GFRA1: variants seen among roughly 807,000 people sequenced by gnomAD.
The protein encoded by GFRA1 is GDNF family receptor alpha-1.
Under a neutral mutation model 51.6 loss-of-function variants are expected in GFRA1, and 16 were observed. That is an observed-to-expected ratio of 0.31 (90% CI 0.21 to 0.47). The LOEUF is 0.47. Among genes scored for constraint, GFRA1 ranks in the 20% least tolerant of loss-of-function variants. The pLI is 1.00. For synonymous variants in GFRA1, 270 were observed against 241.3 expected (o/e 1.12, Z -1.10); for missense variants, 530 against 594.3 (o/e 0.89, Z 1.13).
chr10:116,192,911 T>C (rs1298974385), intron 5 of GFRA1, among the ~76,000 whole-genome samples: 1 of 152,122 alleles, frequency 6.6e-6, no homozygotes, highest in Non-Finnish European at 1.5e-5. Flanking sequence ...ACTTTATGCT[T>C]CCTTTGAAGT....
intron 4 of GFRA1, among the ~76,000 whole-genome samples, chr10:116,267,033 C>T (rs958298932): frequency 2.6e-5 from 4 of 152,154 alleles, no homozygotes; most frequent in East Asian, 3.9e-4. Context: ...CCCAGCTACT[C>T]GGGAGACTAA....
intron 4 of GFRA1, among the ~76,000 whole-genome samples, chr10:116,240,317 C>A (rs1967252269): frequency 6.6e-6 from 1 of 151,916 alleles, no homozygotes; most frequent in South Asian, 2.1e-4. Context: ...TGCTCCATGG[C>A]TGAACTTCAT....
At chr10:116,258,877 T>C (rs1469757440) in intron 4 of GFRA1, among the ~76,000 whole-genome samples, 1 of 152,206 alleles carries the variant, frequency 6.6e-6, no homozygotes, top group Non-Finnish European at 1.5e-5. Flanking sequence ...TCTTTAAGTA[T>C]CATGGGGAAT....
chr10:116,239,638 T>C (rs1967189089), intron 4 of GFRA1, among the ~76,000 whole-genome samples: 1 of 152,222 alleles, frequency 6.6e-6, no homozygotes, highest in Non-Finnish European at 1.5e-5. Context: ...TTGTCTGTCA[T>C]ACATTTAGAA....
At chr10:116,268,613 ACT>A (rs3032057) in intron 4 of GFRA1, among the ~76,000 whole-genome samples, 29,935 of 152,062 alleles carry the variant, frequency 0.2, 3,365 homozygotes, top group East Asian at 0.33. Flanking sequence ...ACACCAAGAC[ACT>A]CTCATCAGTT....
chr10:116,248,337 C>G (rs1225022593), intron 4 of GFRA1, among the ~76,000 whole-genome samples: 1 of 152,182 alleles, frequency 6.6e-6, no homozygotes, highest in Non-Finnish European at 1.5e-5. Flanking sequence ...CCATGCCAGG[C>G]TCAATGCAAT....
At chr10:116,166,568 C>T (rs908588094) in intron 5 of GFRA1, among the ~76,000 whole-genome samples, 3 of 152,056 alleles carry the variant, frequency 2.0e-5, no homozygotes, top group South Asian at 2.1e-4. Context: ...TTCCCCCGGC[C>T]GTGCAGCCTC....
chr10:116,132,134 G>C (rs1958129789), intron 5 of GFRA1, among the ~76,000 whole-genome samples: 1 of 151,952 alleles, frequency 6.6e-6, no homozygotes, highest in Non-Finnish European at 1.5e-5. Context: ...CTTGAGCCCA[G>C]AAGGTCAAGG....
rs925296882 is a variant in GFRA1, at chr10:116,058,809, G to A, written c.*5589C>T. 1 of 152,224 alleles carries A rather than the reference G, an allele frequency of 6.6e-6. No individual in the cohort carries two copies. Among genetic ancestry groups the A allele is most frequent in the African/African-American group, 2.4e-5 (1 of 41,448 alleles). The allele number at this position is 152,224 out of a possible 1,614,324, so 9.4% of individuals were successfully genotyped here. ...TGATGTTGCTTCTCAGGATACTGAT[G>A]GAGAAGTTGTCACCCCTGGGGTTTG... is the stretch of plus-strand genomic sequence containing the variant. On this transcript the variant is annotated 3_prime_UTR_variant, in exon 11 of 11. Transcript: ENST00000355422.
In GFRA1 at chr10:116,109,596, G is replaced by T. The variant is rs188840348; in HGVS notation, c.771-12832C>A. Among the ~76,000 whole-genome samples the T allele has an allele frequency of 1.7e-3, 252 of 152,270 alleles. 1 individual carries two copies. Among genetic ancestry groups the T allele is most frequent in the African/African-American group, 5.9e-3 (247 of 41,560 alleles). On this transcript the variant is annotated intron_variant, in intron 6 of 10. Transcript: ENST00000355422. ...GCTGTGTTCCCCCAGAGGGCACCCA[G>T]AAGTCAAGAAGTGAGGACACAAAAG...
intron 5 of GFRA1, among the ~76,000 whole-genome samples, chr10:116,196,563 T>C (rs1215521574): frequency 1.9e-5 from 1 of 52,592 alleles, no homozygotes; most frequent in South Asian, 7.5e-4. Context: ...ATATATACTA[T>C]ATATAATATA....
intron 4 of GFRA1, among the ~76,000 whole-genome samples, chr10:116,249,590 C>T (rs1302469860): frequency 1.3e-5 from 2 of 152,144 alleles, no homozygotes; most frequent in African/African-American, 2.4e-5. Flanking sequence ...CTGGCAAGAC[C>T]GTAGGCTCCC....
intron 6 of GFRA1, among the ~76,000 whole-genome samples, chr10:116,106,427 C>T (rs1957007255): frequency 6.6e-6 from 1 of 152,240 alleles, no homozygotes; most frequent in Non-Finnish European, 1.5e-5. Context: ...ATCTTAGCTT[C>T]TCTGAAGCCT....
rs182898786 is a variant in GFRA1 at position 116,100,846 on chromosome 10, G to C, written c.771-4082C>G. 2.9e-3 allele frequency among the ~76,000 whole-genome samples: 438 copies of C among 152,290 alleles called. 2 individuals carry two copies. Among genetic ancestry groups the C allele is most frequent in the African/African-American group, 0.01 (422 of 41,560 alleles). On this transcript the variant is annotated intron_variant, in intron 6 of 10. Transcript: ENST00000355422. ...GGGCCGGAAGAGGAGAAAGAAAGGAGGATGCCCGGAAATGTGGATATCAAT... is the reference window on the plus strand; with the variant it reads ...GGGCCGGAAGAGGAGAAAGAAAGGACGATGCCCGGAAATGTGGATATCAAT...
chr10:116,064,222 A>C lies in GFRA1; in HGVS notation c.*176T>G, dbSNP rs1954981816. ...AGCACTGCATCAGGTTTTTCACAGA[A>C]GCCCCAAAGGATCACAAGAAGCTTT... On this transcript the variant is annotated 3_prime_UTR_variant, in exon 11 of 11. Coordinates refer to ENST00000355422, the MANE Select transcript of GFRA1 (RefSeq NM_005264.8). 1.1e-5 allele frequency: 7 copies of C among 612,232 alleles called. No homozygotes were observed. In the East Asian group the frequency reaches 2.0e-4, roughly 17 times the overall value. 37.9% of individuals were successfully genotyped at this position (612,232 alleles called of 1,614,324 possible).
intron 4 of GFRA1, among the ~76,000 whole-genome samples, chr10:116,246,362 C>A (rs1367898915): frequency 6.6e-6 from 1 of 152,116 alleles, no homozygotes; most frequent in Non-Finnish European, 1.5e-5. Flanking sequence ...ACCCGGGAGG[C>A]AGAGGTTGCA....
chr10:116,247,048 G>C (rs950032787), intron 4 of GFRA1, among the ~76,000 whole-genome samples: 4 of 152,210 alleles, frequency 2.6e-5, no homozygotes, highest in African/African-American at 9.6e-5. Flanking sequence ...AAGATGTTCA[G>C]ATTTACAAAA....
intron 9 of GFRA1, among the ~76,000 whole-genome samples, chr10:116,088,140 G>T (rs192301110): frequency 6.6e-6 from 1 of 152,232 alleles, no homozygotes; most frequent in African/African-American, 2.4e-5. Context: ...GATGAATGGC[G>T]TGGAGGACAC....
At chr10:116,274,199 C>G (rs1252810377), upstream of GFRA1, among the ~76,000 whole-genome samples, 1 of 148,868 alleles carries the variant, frequency 6.7e-6, no homozygotes, top group African/African-American at 2.4e-5. Flanking sequence ...CTCCCCTTCC[C>G]GCACGCCGGG....
Sources: gnomAD v4.1 joint callset for allele counts (sites outside exome capture counted in the v4.1 genomes callset) on GRCh38, gnomAD v4.1.1 for gene constraint, MANE v1.5 for transcripts, NCBI Gene and HGNC (gene_info 2026-07-23, HGNC 2026-07-21) for gene names.